Variants in EVPL observed in about 807,000 individuals in gnomAD.
EVPL encodes the protein envoplakin.
A neutral mutation model predicts 129.7 loss-of-function variants in EVPL; 94 were observed. The observed-to-expected ratio is 0.72, with a 90% CI of 0.61 to 0.86. The LOEUF is 0.86. Among genes scored for constraint, EVPL ranks in the 40% least tolerant of loss-of-function variants. The pLI is 0.00. For missense variants in EVPL, 2,625 were observed against 2,721.1 expected, an observed-to-expected ratio of 0.96 and a Z score of 0.79; for synonymous variants, 1,172 against 1,191.1, an observed-to-expected ratio of 0.98 and a Z score of 0.33.
chr17:76,021,610 C>CGGGG, intron 8 of EVPL, 47 bp from the exon 9 acceptor site: 3 of 1,357,580 alleles, frequency 2.2e-6, no homozygotes, highest in Non-Finnish European at 2.9e-6. Context: ...CCCCCACGTC[C>CGGGG]GCCCCACCTC....
At position 76,015,595 on chromosome 17, in the gene EVPL, C is replaced by A; in HGVS notation, c.1744G>T (p.Glu582Ter). The A allele has an allele frequency of 1.2e-6, 2 of 1,613,550 alleles. 1 individual carries two copies. Among genetic ancestry groups the A allele is most frequent in the South Asian group, 2.2e-5 (2 of 91,078 alleles). ...CACTCCTTCTGGGCTGTCTCCTTCTCCGTTCCCAGGCTCTGCAGGCGCTGG... is the reference window on the plus strand; with the variant it reads ...CACTCCTTCTGGGCTGTCTCCTTCTACGTTCCCAGGCTCTGCAGGCGCTGG... ...TAQRLQSLGT[E>*]KETAQKECEA... Residue 582 changes from glutamate (E) to a stop codon, truncating the protein, a stop_gained, in exon 15 of 22, where the codon GAG becomes TAG. Transcript: ENST00000301607. LOFTEE classifies it high-confidence loss of function.
chr17:76,023,540 G>A lies in EVPL; in HGVS notation c.313C>T (p.Arg105Trp), dbSNP rs148193152. 2.5e-5 allele frequency: 40 copies of A among 1,613,230 alleles called. No homozygotes were observed. The African/African-American group carries it at 3.3e-4, about 13-fold the overall frequency. ...KDLFLDVDKA[R>W]RLKHPQAEEI... ...TCAGCCTGCGGGTGCTTGAGCCGCCGGGCCTTGTCCACGTCCAGGAAGAGG... is the reference window on the plus strand; with the variant it reads ...TCAGCCTGCGGGTGCTTGAGCCGCCAGGCCTTGTCCACGTCCAGGAAGAGG... The change falls in exon 3 of 22, where the codon CGG becomes TGG. Residue 105 changes from arginine to tryptophan, a missense_variant. By Grantham distance (101) the Arg-to-Trp change is moderately radical. This residue lies in a region of EVPL where 139 missense variants were observed against 186.8 expected (regional missense o/e 0.74). Transcript: ENST00000301607.
At position 76,019,552 on chromosome 17, in the gene EVPL, G is replaced by A. The variant is rs779371239; in HGVS notation, c.1113C>T (p.Pro371=). 6 of 1,569,486 alleles carry A rather than the reference G, an allele frequency of 3.8e-6. No homozygotes were observed. Among genetic ancestry groups the A allele is most frequent in the Non-Finnish European group, 5.2e-6 (6 of 1,162,090 alleles). Residue 371 remains proline, a synonymous_variant, in exon 10 of 22, where the codon CCC becomes CCT. Coordinates refer to ENST00000301607, the MANE Select transcript of EVPL (RefSeq NM_001988.4). ...CCTCCAGCTGTTGCAGCAGCTCTGT[G>A]GGGGCGCCAGGGGGGCCCCCAGGTG... ...SPAPGGPPGA[P]TELLQQLEAE... is the part of the protein sequence containing the mutation.
chr17:76,015,260 C>T lies in EVPL; in HGVS notation c.1995G>A (p.Pro665=), dbSNP rs763073627. ...CGCTGACCCTCTCCTGCAGAGCCCC[C>T]GGTTCAGCAGGGATGGGGGCCTCCT... The part of the protein sequence containing the change: ...LVQEAPIPAE[P]GALQERVSEL... Residue 665 remains proline (P), a synonymous_variant, in exon 16 of 22, where the codon CCG becomes CCA. Coordinates refer to ENST00000301607, the MANE Select transcript of EVPL (RefSeq NM_001988.4). 1.2e-6 allele frequency: 2 copies of T among 1,601,640 alleles called. No homozygotes were observed. Among genetic ancestry groups the T allele is most frequent in the Non-Finnish European group, 1.7e-6 (2 of 1,178,166 alleles).
In EVPL at chr17:76,022,311, C is replaced by A; in HGVS notation, c.607-84G>T. On this transcript the variant is annotated intron_variant, in intron 5 of 21. Coordinates refer to ENST00000301607, the MANE Select transcript of EVPL (RefSeq NM_001988.4). This position sits in a 1 kb window ranked among gnomAD's most constrained non-coding sequence, Gnocchi z 5.6. ...CCTAAGATCTGGGCCAGCCATACCCCACCCACCCCTATCCCCAGGGCCCAG... is the reference window on the plus strand; with the variant it reads ...CCTAAGATCTGGGCCAGCCATACCCAACCCACCCCTATCCCCAGGGCCCAG... 1.2e-6 allele frequency: 2 copies of A among 1,600,106 alleles called. No homozygotes were observed. The highest frequency in any genetic ancestry group is 1.7e-6 in the Non-Finnish European group (2 of 1,173,900).
In EVPL at chr17:76,019,034, G is replaced by C; in HGVS notation, c.1164C>G (p.Thr388=). Residue 388 remains threonine (T), a synonymous_variant, in exon 11 of 22, where the codon ACC becomes ACG. Transcript: ENST00000301607. The part of the protein sequence containing the change: ...LEAEEKRLAV[T]ERATGDLQRR... ...GCTGCAGGTCCCCAGTGGCCCTCTC[G>C]GTGACGGCCAGCCGTTTTTCCTCTG... 2 of 1,577,754 alleles carry C rather than the reference G, an allele frequency of 1.3e-6. No homozygotes were observed. Among genetic ancestry groups the C allele is most frequent in the Middle Eastern group, 2.1e-4 (1 of 4,760 alleles).
In EVPL at chr17:76,022,369, G is replaced by C; in HGVS notation, c.606+44C>G. 6.2e-7 allele frequency: 1 copy of C among 1,611,930 alleles called. No homozygotes were observed. The highest frequency in any genetic ancestry group is 8.5e-7 in the Non-Finnish European group (1 of 1,179,240). ...AGCTCCGGCTCTGACTGGAGAAACG[G>C]GCTGGGGCTGGCCCCGGATGTGACA... On this transcript the variant is annotated intron_variant, in intron 5 of 21. Transcript: ENST00000301607. The surrounding 1 kb of genome is among the most constrained non-coding windows in gnomAD (Gnocchi z 5.6).
intron 10 of EVPL, 147 bp from the exon 11 acceptor site, chr17:76,019,207 G>A: frequency 1.1e-6 from 1 of 888,732 alleles, no homozygotes. Context: ...CCCTCTCTGG[G>A]GGACCTAGGA....
At chr17:76,025,911 CTG>C (rs1462058819) in intron 1 of EVPL, among the ~76,000 whole-genome samples, 1 of 152,228 alleles carries the variant, frequency 6.6e-6, no homozygotes, top group Non-Finnish European at 1.5e-5. Flanking sequence ...CCAGTGCCCC[CTG>C]CACCACACCC....
chr17:76,018,718 G>T, intron 11 of EVPL, 118 bp from the exon 12 acceptor site: 1 of 1,268,794 alleles, frequency 7.9e-7, no homozygotes, highest in Non-Finnish European at 1.1e-6. Flanking sequence ...AGGGACAAGA[G>T]TAGGGTGGGA....
chr17:76,010,654 C>T (rs1386997188), intron 21 of EVPL, 111 bp from the exon 22 acceptor site: 2 of 1,207,356 alleles, frequency 1.7e-6, no homozygotes, highest in Non-Finnish European at 2.3e-6. Flanking sequence ...CCAGTGGGTC[C>T]TCAGAGGTGG....
In EVPL at chr17:76,024,014, G is replaced by C; in HGVS notation, c.198+7C>G. 6.2e-7 allele frequency: 1 copy of C among 1,611,170 alleles called. No homozygotes were observed. Among genetic ancestry groups the C allele is most frequent in the Middle Eastern group, 1.7e-4 (1 of 5,748 alleles). On this transcript the variant is annotated splice_region_variant and intron_variant, in intron 2 of 21. Transcript: ENST00000301607. This position sits in a 1 kb window ranked among gnomAD's most constrained non-coding sequence, Gnocchi z 4.5. The stretch of plus-strand genomic sequence containing the variant: ...CCACGCCCTGCCAACTGCTGCCGGG[G>C]CCTCACCTGCTGCAGCCTCTTCTGC...
chr17:76,022,369 G>A lies in EVPL; in HGVS notation c.606+44C>T. 1 of 1,611,930 alleles carries A rather than the reference G, an allele frequency of 6.2e-7. No individual in the cohort carries two copies. On this transcript the variant is annotated intron_variant, in intron 5 of 21. Transcript: ENST00000301607. The surrounding 1 kb of genome is among the most constrained non-coding windows in gnomAD (Gnocchi z 5.6). ...AGCTCCGGCTCTGACTGGAGAAACG[G>A]GCTGGGGCTGGCCCCGGATGTGACA... is the stretch of plus-strand genomic sequence containing the variant.
chr17:76,014,676 T>C, intron 17 of EVPL, 100 bp from the exon 18 acceptor site: 2 of 1,489,536 alleles, frequency 1.3e-6, no homozygotes, highest in East Asian at 2.4e-5. Context: ...TGGGGGCAGG[T>C]CAGGAGGCCC....
At chr17:76,016,213 C>G (rs1350415261) in intron 14 of EVPL, among the ~76,000 whole-genome samples, 1 of 152,186 alleles carries the variant, frequency 6.6e-6, no homozygotes, top group Non-Finnish European at 1.5e-5. Flanking sequence ...GTCCTGAGCT[C>G]AGCAGTGAGC....
intron 10 of EVPL, 94 bp downstream of exon 10, chr17:76,019,434 A>G (rs760615074): frequency 2.1e-5 from 31 of 1,445,164 alleles, no homozygotes; most frequent in Non-Finnish European, 2.8e-5. Flanking sequence ...TTGGGATAGG[A>G]CTAGGTACCA....
In EVPL at chr17:76,009,746, G is replaced by A. The variant is rs1251923090; in HGVS notation, c.3459C>T (p.Ser1153=). 2 of 1,613,614 alleles carry A rather than the reference G, an allele frequency of 1.2e-6. No homozygotes were observed. The highest frequency in any genetic ancestry group is 1.7e-6 in the Non-Finnish European group (2 of 1,180,006). Residue 1153 remains serine, a synonymous_variant, in exon 22 of 22, where the codon TCC becomes TCT. Transcript: ENST00000301607. This position sits in a 1 kb window ranked among gnomAD's most constrained non-coding sequence, Gnocchi z 5.9. ...CCTCCTCGAGGAGGCTCCTCAGCCT[G>A]GAGGACTCCTGGAGGAGCCCTGGGT... is the stretch of plus-strand genomic sequence containing the variant. ...EQDPGLLQES[S]RLRSLLEEER...
intron 14 of EVPL, 98 bp downstream of exon 14, chr17:76,017,641 C>A (rs2066426503): frequency 6.6e-7 from 1 of 1,505,060 alleles, no homozygotes; most frequent in Admixed American, 2.0e-5. Context: ...CATCTCCATC[C>A]CAGCCACCGC....
chr17:76,023,199 C>A lies in EVPL; in HGVS notation c.480+93G>T, dbSNP rs1411492131. The A allele has an allele frequency of 7.6e-6, 12 of 1,571,358 alleles. No individual in the cohort carries two copies. The South Asian group carries it at 1.3e-4, about 17-fold the overall frequency. On this transcript the variant is annotated intron_variant, in intron 4 of 21. Transcript: ENST00000301607. Reference sequence around the variant, plus strand: ...CCCAGACCCCTGAGCCACCCCTACACCCTGACTATTCAAGCCTGCAGTCAG... The same window carrying A: ...CCCAGACCCCTGAGCCACCCCTACAACCTGACTATTCAAGCCTGCAGTCAG...
Sources: gnomAD v4.1 joint callset for allele counts (sites outside exome capture counted in the v4.1 genomes callset) on GRCh38, gnomAD v4.1.1 for gene constraint, gnomAD v4.1.1 regional missense constraint, Gnocchi (gnomAD v3.1) non-coding constraint, MANE v1.5 for transcripts, NCBI Gene and HGNC (gene_info 2026-07-23, HGNC 2026-07-21) for gene names.